PTPRT: variants seen among roughly 807,000 people sequenced by gnomAD.
The protein encoded by PTPRT is protein tyrosine phosphatase receptor type T.
Under a neutral mutation model 176.8 loss-of-function variants are expected in PTPRT, and 56 were observed. The observed-to-expected ratio is 0.32, with a 90% CI of 0.26 to 0.40. The LOEUF (loss-of-function observed/expected upper bound fraction) is 0.40. PTPRT is among the 10% of genes least tolerant of loss of function. The pLI is 1.00. For synonymous variants in PTPRT, 783 were observed against 739.0 expected (o/e 1.06, Z -0.96); for missense variants, 1,540 against 1,908.2 (o/e 0.81, Z 3.60).
At chr20:42,981,500 A>C (rs888353242) in intron 1 of PTPRT, among the ~76,000 whole-genome samples, 6 of 152,224 alleles carry the variant, frequency 3.9e-5, no homozygotes. Context: ...TTGAAGAAGT[A>C]CTTGCGCATT....
At chr20:42,252,196 G>A (rs1286626439) in intron 13 of PTPRT, among the ~76,000 whole-genome samples, 2 of 152,204 alleles carry the variant, frequency 1.3e-5, no homozygotes, top group Non-Finnish European at 2.9e-5. Flanking sequence ...ATGTTTACGG[G>A]TTCCAGACAC....
intron 11 of PTPRT, among the ~76,000 whole-genome samples, chr20:42,319,058 T>G (rs370764585): frequency 6.6e-6 from 1 of 152,116 alleles, no homozygotes; most frequent in African/African-American, 2.4e-5. Flanking sequence ...AGCCATAATA[T>G]CTCTGTGAGG....
chr20:42,966,332 G>A (rs1260993195), intron 1 of PTPRT: 1 of 152,112 alleles, frequency 6.6e-6, no homozygotes, highest in Non-Finnish European at 1.5e-5. Flanking sequence ...GTTTAACGAG[G>A]CTGGTAATAT....
In PTPRT at chr20:42,931,600, T is replaced by C. The variant is rs116492778; in HGVS notation, c.89-45668A>G. On this transcript the variant is annotated intron_variant, in intron 1 of 30. Transcript: ENST00000373187. ...CTCAGAATGAGGTAGAACCTTCTCA[T>C]AGAAGAGGCAGAGCAAGCACTGTGC... 9.0e-3 allele frequency among the ~76,000 whole-genome samples: 1,376 copies of C among 152,276 alleles called. 31 individuals carry two copies. The highest frequency in any genetic ancestry group is 0.031 in the African/African-American group (1,284 of 41,552).
intron 12 of PTPRT, among the ~76,000 whole-genome samples, chr20:42,309,779 A>G (rs1410109992): frequency 4.6e-5 from 7 of 152,208 alleles, no homozygotes; most frequent in Non-Finnish European, 8.8e-5. Flanking sequence ...TAGTACACTC[A>G]GCATGGAGGA....
Position 42,770,279 on chromosome 20 carries a change from C to T in PTPRT, c.684+1156G>A, listed in dbSNP as rs149360187. 7.8e-3 allele frequency among the ~76,000 whole-genome samples: 1,180 copies of T among 152,254 alleles called. 13 individuals carry two copies. The highest frequency in any genetic ancestry group is 0.026 in the African/African-American group (1,067 of 41,550). Reference sequence around the variant, plus strand: ...CTGGGATTACAGGCACTCGCCACCACGCCCAGCTAATTTTTCTATAGAAAT... The same window carrying T: ...CTGGGATTACAGGCACTCGCCACCATGCCCAGCTAATTTTTCTATAGAAAT... On this transcript the variant is annotated intron_variant, in intron 5 of 30. Transcript: ENST00000373187.
intron 9 of PTPRT, among the ~76,000 whole-genome samples, chr20:42,425,988 A>T (rs762627233): frequency 1.3e-5 from 2 of 152,170 alleles, no homozygotes; most frequent in Non-Finnish European, 2.9e-5. Flanking sequence ...AGCAAGCTAA[A>T]GAGGTCATGA....
At chr20:42,893,858 T>C (rs1281876712) in intron 1 of PTPRT, among the ~76,000 whole-genome samples, 1 of 150,882 alleles carries the variant, frequency 6.6e-6, no homozygotes, top group South Asian at 2.1e-4. Flanking sequence ...CTGGGGACTG[T>C]TGTGGGGTGG....
At chr20:42,106,011 G>A (rs1242867403) in intron 24 of PTPRT, among the ~76,000 whole-genome samples, 12 of 152,188 alleles carry the variant, frequency 7.9e-5, no homozygotes, top group Non-Finnish European at 4.4e-5. Flanking sequence ...TGGTTCTGGC[G>A]AAAAAGCAGA....
intron 16 of PTPRT, among the ~76,000 whole-genome samples, chr20:42,185,809 C>T (rs539146642): frequency 2.8e-4 from 42 of 152,284 alleles, no homozygotes; most frequent in African/African-American, 9.9e-4. Context: ...ACATGCTGTG[C>T]CACATGTTGA....
At chr20:42,874,988 C>A (rs1430705514) in intron 2 of PTPRT, among the ~76,000 whole-genome samples, 6 of 152,146 alleles carry the variant, frequency 3.9e-5, no homozygotes, top group Non-Finnish European at 8.8e-5. Flanking sequence ...TCCCAGACAA[C>A]CCCTTTATTC....
chr20:42,971,986 G>A (rs1982668360), intron 1 of PTPRT, among the ~76,000 whole-genome samples: 1 of 151,820 alleles, frequency 6.6e-6, no homozygotes, highest in Non-Finnish European at 1.5e-5. Flanking sequence ...TTAACAATAA[G>A]CGAATAAGCA....
chr20:42,113,780 G>T (rs8117088), intron 22 of PTPRT, among the ~76,000 whole-genome samples: 1 of 152,180 alleles, frequency 6.6e-6, no homozygotes, highest in Admixed American at 6.5e-5. Flanking sequence ...CTCAGGCTCT[G>T]CTTCTAAAAA....
At chr20:42,953,279 AG>A (rs1454435486) in intron 1 of PTPRT, among the ~76,000 whole-genome samples, 1 of 152,212 alleles carries the variant, frequency 6.6e-6, no homozygotes, top group Admixed American at 6.5e-5. Flanking sequence ...CTCAGCTAGC[AG>A]GTGCATAGTG....
intron 1 of PTPRT, among the ~76,000 whole-genome samples, chr20:42,988,655 T>G (rs1238714387): frequency 6.6e-6 from 1 of 152,118 alleles, no homozygotes; most frequent in Non-Finnish European, 1.5e-5. Flanking sequence ...ATTAGATGCT[T>G]CTCCCAGGCA....
At chr20:42,342,151 T>C (rs1052146526) in intron 11 of PTPRT, among the ~76,000 whole-genome samples, 1 of 152,264 alleles carries the variant, frequency 6.6e-6, no homozygotes, top group African/African-American at 2.4e-5. Flanking sequence ...CTTTGTCTCC[T>C]AGGGTGATGT....
intron 9 of PTPRT, among the ~76,000 whole-genome samples, chr20:42,364,059 T>C (rs1179034979): frequency 1.3e-5 from 2 of 151,902 alleles, no homozygotes; most frequent in East Asian, 1.9e-4. Flanking sequence ...TGAAATGGGG[T>C]GGAAATAAAT....
chr20:42,223,590 C>T (rs1283814668), intron 15 of PTPRT, among the ~76,000 whole-genome samples: 1 of 152,198 alleles, frequency 6.6e-6, no homozygotes, highest in Non-Finnish European at 1.5e-5. Flanking sequence ...AAACACATCA[C>T]AGTAAAACAG....
chr20:42,151,171 C>A (rs149046661), intron 17 of PTPRT, among the ~76,000 whole-genome samples: 65 of 150,690 alleles, frequency 4.3e-4, no homozygotes, highest in African/African-American at 1.6e-3. Flanking sequence ...TTCTGGGATA[C>A]ATGTGCAGAA....
Sources: gnomAD v4.1 joint callset for allele counts (sites outside exome capture counted in the v4.1 genomes callset) on GRCh38, gnomAD v4.1.1 for gene constraint, MANE v1.5 for transcripts, NCBI Gene and HGNC (gene_info 2026-07-23, HGNC 2026-07-21) for gene names.